The following GTF2IRD1 variants were observed in gnomAD, a reference collection of about 807,000 sequenced individuals.
The protein encoded by GTF2IRD1 is GTF2I repeat domain containing 1, also known as general transcription factor II-I repeat domain-containing protein 1.
In GTF2IRD1, 26 loss-of-function variants were observed where a neutral mutation model predicts 113.2. The observed-to-expected ratio is 0.23, with a 90% CI of 0.17 to 0.32. GTF2IRD1 has a LOEUF of 0.32. GTF2IRD1 is among the 10% of genes least tolerant of loss of function. The pLI is 1.00. For missense variants in GTF2IRD1, 864 were observed against 1,280.8 expected, an observed-to-expected ratio of 0.67 and a Z score of 4.97; for synonymous variants, 484 against 529.1, an observed-to-expected ratio of 0.91 and a Z score of 1.17.
intron 22 of GTF2IRD1, among the ~76,000 whole-genome samples, chr7:74,574,150 ATTTTTTT>A (rs71094796): frequency 1.5e-3 from 159 of 104,820 alleles, no homozygotes; most frequent in African/African-American, 3.5e-3. Flanking sequence ...CACCAAGCTA[ATTTTTTT>A]TTTTTTTTTT....
At position 74,497,790 on chromosome 7, in the gene GTF2IRD1, C is replaced by T. The variant is rs1337393877; in HGVS notation, c.-6-10285C>T. Among the ~76,000 whole-genome samples, 6 of 151,030 alleles carry T rather than the reference C, an allele frequency of 4.0e-5. No homozygotes were observed. In the East Asian group the frequency reaches 7.9e-4, roughly 20 times the overall value. On this transcript the variant is annotated intron_variant, in intron 1 of 26. Transcript: ENST00000424337. ...CATGATGTCAGCTCACTGCAACCTC[C>T]GCCTCCTGGGTTCAAGCAATTCTCC...
At chr7:74,496,485 A>G (rs374103198) in intron 1 of GTF2IRD1, among the ~76,000 whole-genome samples, 220 of 92,812 alleles carry the variant, frequency 2.4e-3, no homozygotes, top group Non-Finnish European at 2.5e-3. Flanking sequence ...GTGTGCACGT[A>G]TGTGTGTGTG....
At chr7:74,458,658 C>CT (rs71094791) in intron 1 of GTF2IRD1, among the ~76,000 whole-genome samples, 79 of 139,936 alleles carry the variant, frequency 5.6e-4, no homozygotes, top group Non-Finnish European at 7.1e-4. Context: ...ACCCCCCTTT[C>CT]TTTTTTTTTT....
intron 1 of GTF2IRD1, among the ~76,000 whole-genome samples, chr7:74,491,260 C>CACG (rs1554336618): frequency 2.0e-5 from 3 of 151,208 alleles, no homozygotes; most frequent in Non-Finnish European, 4.4e-5. Context: ...GAGCTGAGAT[C>CACG]CCACTGCTGC....
chr7:74,501,272 C>T (rs1562807472), intron 1 of GTF2IRD1, among the ~76,000 whole-genome samples: 1 of 152,168 alleles, frequency 6.6e-6, no homozygotes, highest in Non-Finnish European at 1.5e-5. Context: ...GGCTTGAAGG[C>T]TGCGTTGTGG....
At chr7:74,478,531 C>T (rs1794559891) in intron 1 of GTF2IRD1, among the ~76,000 whole-genome samples, 1 of 152,160 alleles carries the variant, frequency 6.6e-6, no homozygotes, top group Non-Finnish European at 1.5e-5. Flanking sequence ...TCATAGCTCA[C>T]TGTAGCCTAG....
intron 9 of GTF2IRD1, among the ~76,000 whole-genome samples, chr7:74,534,817 C>T (rs942494786): frequency 6.6e-5 from 10 of 152,246 alleles, no homozygotes; most frequent in Non-Finnish European, 1.3e-4. Flanking sequence ...GCAGAAGAAT[C>T]GCTTGAACCC....
intron 1 of GTF2IRD1, among the ~76,000 whole-genome samples, chr7:74,499,260 C>G (rs1795887971): frequency 6.6e-6 from 1 of 152,236 alleles, no homozygotes; most frequent in Admixed American, 6.5e-5. Context: ...ACTTACAGCT[C>G]ACTGCCTTGG....
At chr7:74,591,538 C>T (rs587619222) in intron 24 of GTF2IRD1, among the ~76,000 whole-genome samples, 4 of 151,814 alleles carry the variant, frequency 2.6e-5, no homozygotes, top group Non-Finnish European at 4.4e-5. Flanking sequence ...ACCATCACAC[C>T]GGCTAATTTT....
rs79318094 is a variant in GTF2IRD1, at chr7:74,509,666, G to T, written c.123+1463G>T. ...AAAGTCACACAGCATGACCAGTTTT[G>T]TTTTGTTTTGTTTTGTTTTGTTTTT... On this transcript the variant is annotated intron_variant, in intron 2 of 26. Transcript: ENST00000424337. Among the ~76,000 whole-genome samples the T allele has an allele frequency of 3.3e-3, 431 of 128,980 alleles. 1 individual carries two copies. Among genetic ancestry groups the T allele is most frequent in the African/African-American group, 0.015 (371 of 25,558 alleles). 84.6% of individuals were successfully genotyped at this position (128,980 alleles called of 152,430 possible).
At chr7:74,477,615 G>A (rs1186897063) in intron 1 of GTF2IRD1, among the ~76,000 whole-genome samples, 2 of 152,100 alleles carry the variant, frequency 1.3e-5, no homozygotes, top group East Asian at 1.9e-4. Flanking sequence ...CCCAGGGAGG[G>A]GCAGTGCTAG....
chr7:74,492,295 C>T (rs1467357045), intron 1 of GTF2IRD1, among the ~76,000 whole-genome samples: 8 of 151,992 alleles, frequency 5.3e-5, no homozygotes, highest in African/African-American at 1.2e-4. Flanking sequence ...CTCAGCCTCC[C>T]GAGTAGCTGG....
Position 74,491,757 on chromosome 7 carries a change from T to C in GTF2IRD1, c.-6-16318T>C, listed in dbSNP as rs373155166. On this transcript the variant is annotated intron_variant, in intron 1 of 26. Coordinates refer to ENST00000424337, the MANE Select transcript of GTF2IRD1 (RefSeq NM_005685.4). ...TGGGCATTTAGGTTGATTCCATGTTTTTGCTGTTGTGAATAGTGCTGCAGT... is the reference window on the plus strand; with the variant it reads ...TGGGCATTTAGGTTGATTCCATGTTCTTGCTGTTGTGAATAGTGCTGCAGT... 1.1e-4 allele frequency among the ~76,000 whole-genome samples: 16 copies of C among 152,284 alleles called. No individual in the cohort carries two copies. The East Asian group carries it at 2.7e-3, about 26-fold the overall frequency.
chr7:74,500,705 C>T (rs1262971733), intron 1 of GTF2IRD1, among the ~76,000 whole-genome samples: 2 of 152,172 alleles, frequency 1.3e-5, no homozygotes, highest in African/African-American at 4.8e-5. Flanking sequence ...CACACAGACA[C>T]ACATTGATGC....
intron 1 of GTF2IRD1, among the ~76,000 whole-genome samples, chr7:74,456,002 C>T (rs1351026164): frequency 3.9e-5 from 6 of 152,158 alleles, no homozygotes; most frequent in African/African-American, 9.7e-5. Flanking sequence ...ACTGTTCTCT[C>T]GATGTTGGGA....
At chr7:74,596,471 A>AG (rs1206283471) in intron 25 of GTF2IRD1, among the ~76,000 whole-genome samples, 3 of 150,156 alleles carry the variant, frequency 2.0e-5, no homozygotes, top group Non-Finnish European at 3.0e-5. Flanking sequence ...AAAAAAAAAA[A>AG]AAAAAGAAAA....
intron 22 of GTF2IRD1, among the ~76,000 whole-genome samples, chr7:74,566,648 T>TA (rs1800337685): frequency 6.6e-6 from 1 of 152,126 alleles, no homozygotes; most frequent in Non-Finnish European, 1.5e-5. Context: ...GACCACGTCA[T>TA]ACTTACGATT....
intron 16 of GTF2IRD1, 144 bp from the exon 17 acceptor site, chr7:74,546,957 GGC>G (rs1562858084): frequency 1.4e-6 from 1 of 711,876 alleles, no homozygotes; most frequent in African/African-American, 1.8e-5. Context: ...CAGGCTGGGG[GGC>G]CACTCTTTCC....
At chr7:74,463,729 T>C (rs1412600760) in intron 1 of GTF2IRD1, among the ~76,000 whole-genome samples, 1 of 142,590 alleles carries the variant, frequency 7.0e-6, no homozygotes, top group African/African-American at 2.5e-5. Flanking sequence ...TTGTTTTTTG[T>C]TTTTTTTTTT....
Sources: gnomAD v4.1 joint callset for allele counts (sites outside exome capture counted in the v4.1 genomes callset) on GRCh38, gnomAD v4.1.1 for gene constraint, MANE v1.5 for transcripts, NCBI Gene and HGNC (gene_info 2026-07-23, HGNC 2026-07-21) for gene names.